EGFR: variants seen among roughly 807,000 people sequenced by gnomAD.
EGFR encodes epidermal growth factor receptor.
Under a neutral mutation model 143.0 loss-of-function variants are expected in EGFR, and 58 were observed. The observed-to-expected ratio is 0.41, with a 90% CI of 0.33 to 0.50. EGFR has a LOEUF of 0.50. EGFR is among the 20% of genes least tolerant of loss of function. The pLI, the probability that EGFR is intolerant of heterozygous loss-of-function variation, is 0.39. For synonymous variants in EGFR, 613 were observed against 594.4 expected, an observed-to-expected ratio of 1.03 and a Z score of -0.45; for missense variants, 1,307 against 1,579.0, an observed-to-expected ratio of 0.83 and a Z score of 2.92.
intron 23 of EGFR, 145 bp downstream of exon 23, chr7:55,199,008 C>A (rs1458976351): frequency 9.5e-7 from 1 of 1,057,068 alleles, no homozygotes; most frequent in East Asian, 2.6e-5. Flanking sequence ...TCTGTAAATA[C>A]CCCTTCAAGC....
chr7:55,181,768 C>A (rs1054236786), intron 20 of EGFR: 8 of 484,932 alleles, frequency 1.6e-5, no homozygotes, highest in South Asian at 1.5e-4. Context: ...CTCTGGAATT[C>A]TTTGTGAATA....
At chr7:55,131,209 A>G (rs1321619842) in intron 1 of EGFR, among the ~76,000 whole-genome samples, 6 of 152,018 alleles carry the variant, frequency 3.9e-5, no homozygotes, top group African/African-American at 1.4e-4. Context: ...CCCAGTGCCC[A>G]CTGACATGTG....
chr7:55,170,644 T>C, intron 15 of EGFR: 1 of 1,599,078 alleles, frequency 6.3e-7, no homozygotes, highest in Non-Finnish European at 8.5e-7. Flanking sequence ...ATTTCCTTCC[T>C]TCCACTCCCT....
intron 1 of EGFR, among the ~76,000 whole-genome samples, chr7:55,053,717 C>G (rs890087595): frequency 2.6e-5 from 4 of 152,252 alleles, no homozygotes; most frequent in African/African-American, 7.2e-5. Flanking sequence ...CCGGGCCAGG[C>G]CCGCAGCACT....
intron 20 of EGFR, among the ~76,000 whole-genome samples, chr7:55,188,327 G>A (rs1275325590): frequency 1.3e-5 from 2 of 152,060 alleles, no homozygotes; most frequent in South Asian, 2.1e-4. Context: ...AAGACTCGTG[G>A]GGTGCGGCAG....
chr7:55,137,489 A>G (rs1163650765), intron 1 of EGFR, among the ~76,000 whole-genome samples: 2 of 152,238 alleles, frequency 1.3e-5, no homozygotes, highest in Non-Finnish European at 2.9e-5. Context: ...CCTACCCTAC[A>G]AAACCAGAGG....
intron 27 of EGFR, among the ~76,000 whole-genome samples, chr7:55,203,992 A>C (rs1787988452): frequency 6.6e-6 from 1 of 151,172 alleles, no homozygotes; most frequent in African/African-American, 2.4e-5. Flanking sequence ...AAAGATTTAG[A>C]TATATAACAT....
chr7:55,126,108 A>G (rs1278251600), intron 1 of EGFR, among the ~76,000 whole-genome samples: 1 of 152,114 alleles, frequency 6.6e-6, no homozygotes, highest in Non-Finnish European at 1.5e-5. Context: ...GCCCAGCTGA[A>G]CTGCTTCCTG....
chr7:55,045,848 G>A (rs1056019182), intron 1 of EGFR, among the ~76,000 whole-genome samples: 13 of 152,116 alleles, frequency 8.5e-5, no homozygotes, highest in Non-Finnish European at 1.8e-4. Context: ...TTGGCTGTTC[G>A]GTGTTTCACA....
intron 1 of EGFR, among the ~76,000 whole-genome samples, chr7:55,137,658 G>T (rs910547746): frequency 6.6e-6 from 1 of 152,204 alleles, no homozygotes; most frequent in Non-Finnish European, 1.5e-5. Flanking sequence ...ACCTGCCCCT[G>T]ACAGCCAAGT....
At chr7:55,151,259 C>CTTTT in intron 4 of EGFR, 35 bp from the exon 5 acceptor site, 3 of 1,603,754 alleles carry the variant, frequency 1.9e-6, no homozygotes, top group African/African-American at 1.3e-5. Flanking sequence ...CTCATCATTT[C>CTTTT]ACTGAGATAT....
chr7:55,174,237 C>A (rs1039757322), intron 18 of EGFR, among the ~76,000 whole-genome samples, 194 bp downstream of exon 18: 3 of 152,228 alleles, frequency 2.0e-5, no homozygotes, highest in Non-Finnish European at 4.4e-5. Flanking sequence ...ATCAGTGGTC[C>A]TGTGAGACCA....
At chr7:55,182,873 T>A (rs1786954607) in intron 20 of EGFR, among the ~76,000 whole-genome samples, 1 of 152,216 alleles carries the variant, frequency 6.6e-6, no homozygotes, top group Non-Finnish European at 1.5e-5. Context: ...GAGGGTCTTG[T>A]GTGCCTCGGA....
At chr7:55,099,819 T>A (rs1255716406) in intron 1 of EGFR, among the ~76,000 whole-genome samples, 1 of 149,820 alleles carries the variant, frequency 6.7e-6, no homozygotes. Flanking sequence ...TGAACAGATG[T>A]GCAATTAAAA....
At chr7:55,060,077 A>G (rs1789080092) in intron 1 of EGFR, among the ~76,000 whole-genome samples, 2 of 152,202 alleles carry the variant, frequency 1.3e-5, no homozygotes, top group African/African-American at 4.8e-5. Flanking sequence ...CCTACAGACG[A>G]TTCTGAGAAA....
chr7:55,079,409 A>G (rs926540000), intron 1 of EGFR, among the ~76,000 whole-genome samples: 1 of 152,212 alleles, frequency 6.6e-6, no homozygotes, highest in Non-Finnish European at 1.5e-5. Flanking sequence ...AGAAGCACTT[A>G]CAAAAAGAAA....
At chr7:55,197,472 C>T (rs947874916) in intron 22 of EGFR, among the ~76,000 whole-genome samples, 1 of 152,078 alleles carries the variant, frequency 6.6e-6, no homozygotes, top group African/African-American at 2.4e-5. Context: ...TAGCTGTTTT[C>T]CTCTCTTCCT....
At chr7:55,029,913 C>A (rs1428595634) in intron 1 of EGFR, among the ~76,000 whole-genome samples, 1 of 152,148 alleles carries the variant, frequency 6.6e-6, no homozygotes, top group Non-Finnish European at 1.5e-5. Flanking sequence ...AGTGTGCTGT[C>A]CCTATAATTT....
chr7:55,173,859 A>ACTG, intron 17 of EGFR, 62 bp from the exon 18 acceptor site: 1 of 1,613,828 alleles, frequency 6.2e-7, no homozygotes, highest in Middle Eastern at 1.7e-4. Context: ...CATGTCTGGC[A>ACTG]CTGCTTTCCA....
Sources: allele counts gnomAD v4.1 joint callset (sites outside exome capture counted in the v4.1 genomes callset), GRCh38; gene constraint gnomAD v4.1.1; transcripts MANE v1.5; gene names NCBI Gene and HGNC (gene_info 2026-07-23, HGNC 2026-07-21).